The following LIN7A variants were observed in gnomAD, a reference collection of about 807,000 sequenced individuals.
LIN7A encodes the protein lin-7 cell polarity scaffold A.
A neutral mutation model predicts 29.8 loss-of-function variants in LIN7A; 25 were observed. The observed-to-expected ratio is 0.84, with a 90% confidence interval of 0.61 to 1.17. The LOEUF is 1.17. Among genes scored for constraint, LIN7A ranks in the 50% most tolerant of loss-of-function variants. The pLI is 0.00. For missense variants in LIN7A, 239 were observed against 287.0 expected, an observed-to-expected ratio of 0.83 and a Z score of 1.21; for synonymous variants, 118 against 107.5, an observed-to-expected ratio of 1.10 and a Z score of -0.60.
At chr12:80,888,144 T>C (rs1473449637) in intron 2 of LIN7A, among the ~76,000 whole-genome samples, 1 of 152,130 alleles carries the variant, frequency 6.6e-6, no homozygotes, top group Non-Finnish European at 1.5e-5. Context: ...GTTATTATGG[T>C]TATGTACTTA....
intron 5 of LIN7A, 93 bp downstream of exon 5, chr12:80,811,372 T>A: frequency 2.2e-6 from 1 of 452,558 alleles, no homozygotes; most frequent in Non-Finnish European, 3.9e-6. Context: ...TTAGAACATA[T>A]CTAAAATATA....
chr12:80,913,333 C>A (rs1254503661), intron 1 of LIN7A, among the ~76,000 whole-genome samples: 1 of 152,226 alleles, frequency 6.6e-6, no homozygotes, highest in Non-Finnish European at 1.5e-5. Flanking sequence ...TGACGCTTTT[C>A]AGCCTTTTAG....
intron 4 of LIN7A, among the ~76,000 whole-genome samples, chr12:80,841,012 T>C (rs1474715659): frequency 1.3e-5 from 2 of 152,226 alleles, no homozygotes; most frequent in African/African-American, 4.8e-5. Context: ...TTTTACACAC[T>C]GGTCTTGGTT....
At chr12:80,864,901 A>C (rs1463423466) in intron 2 of LIN7A, among the ~76,000 whole-genome samples, 2 of 152,172 alleles carry the variant, frequency 1.3e-5, no homozygotes, top group Non-Finnish European at 2.9e-5. Context: ...AATCTAAGTT[A>C]GTTTGTAAAG....
chr12:80,896,400 A>G (rs1306079381), intron 1 of LIN7A, among the ~76,000 whole-genome samples: 1 of 152,252 alleles, frequency 6.6e-6, no homozygotes, highest in African/African-American at 2.4e-5. Context: ...AATAATGTTC[A>G]GTTTAAAAAT....
At chr12:80,802,234 G>A (rs184639259) in intron 5 of LIN7A, among the ~76,000 whole-genome samples, 36 of 152,142 alleles carry the variant, frequency 2.4e-4, no homozygotes, top group Admixed American at 3.9e-4. Flanking sequence ...TGAGACATGT[G>A]GTATTTGTTC....
chr12:80,902,624 T>C (rs1565922504), intron 1 of LIN7A, among the ~76,000 whole-genome samples: 1 of 152,084 alleles, frequency 6.6e-6, no homozygotes, highest in Non-Finnish European at 1.5e-5. Context: ...TTTGTGGCTA[T>C]GGTAAGTGGG....
intron 1 of LIN7A, among the ~76,000 whole-genome samples, chr12:80,907,071 G>GTGTGTT (rs1555228962): frequency 6.8e-6 from 1 of 146,682 alleles, no homozygotes; most frequent in African/African-American, 2.5e-5. Flanking sequence ...GTGTGTGTGT[G>GTGTGTT]TGTGTGTGTG....
At position 80,918,329 on chromosome 12, in the gene LIN7A, T is replaced by A. The variant is rs1393144744; in HGVS notation, c.82+19312A>T. On this transcript the variant is annotated intron_variant, in intron 1 of 5. Coordinates refer to ENST00000552864, the MANE Select transcript of LIN7A (RefSeq NM_004664.4). ...TCCCACAGTACTGGGATTACAGGCATGAGCCACCGTCCCTGGCCTTATGTA... is the reference window on the plus strand; with the variant it reads ...TCCCACAGTACTGGGATTACAGGCAAGAGCCACCGTCCCTGGCCTTATGTA... 2.0e-5 allele frequency among the ~76,000 whole-genome samples: 3 copies of A among 152,178 alleles called. No individual in the cohort carries two copies. In the East Asian group the frequency reaches 5.8e-4, roughly 29 times the overall value.
At position 80,920,839 on chromosome 12, in the gene LIN7A, C is replaced by A. The variant is rs1037978113; in HGVS notation, c.82+16802G>T. ...AAGAAAAATAAAACTAAGCAAAAAA[C>A]AGGAATACCTTAATATGTACCATAT... On this transcript the variant is annotated intron_variant, in intron 1 of 5. Transcript: ENST00000552864. Among the ~76,000 whole-genome samples, 34 of 152,190 alleles carry A rather than the reference C, an allele frequency of 2.2e-4. 1 individual carries two copies. Among genetic ancestry groups the A allele is most frequent in the African/African-American group, 7.7e-4 (32 of 41,520 alleles).
chr12:80,899,360 A>G (rs1257295040), intron 1 of LIN7A, among the ~76,000 whole-genome samples: 1 of 152,054 alleles, frequency 6.6e-6, no homozygotes, highest in Non-Finnish European at 1.5e-5. Flanking sequence ...TAACTTTTTG[A>G]TGTGATGCTG....
At chr12:80,863,884 TG>T (rs1874001837) in intron 2 of LIN7A, among the ~76,000 whole-genome samples, 1 of 142,814 alleles carries the variant, frequency 7.0e-6, no homozygotes, top group African/African-American at 2.8e-5. Flanking sequence ...TAATGAATGA[TG>T]AAAGGCTTGT....
chr12:80,937,605 G>C, intron 1 of LIN7A, 36 bp downstream of exon 1: 1 of 1,403,648 alleles, frequency 7.1e-7, no homozygotes, highest in East Asian at 2.9e-5. Flanking sequence ...AGGGGAGAGG[G>C]GACGCGGTGG....
In LIN7A at chr12:80,822,559, C is replaced by G. The variant is rs1871858773; in HGVS notation, c.484-10876G>C. Among the ~76,000 whole-genome samples the G allele has an allele frequency of 2.0e-5, 3 of 152,074 alleles. No homozygotes were observed. In the South Asian group the frequency reaches 6.2e-4, roughly 32 times the overall value. ...GGTGAAAGAGTGAAACTCTATCACACAAGCACACAAAATATAAATAAAAAT... is the reference window on the plus strand; with the variant it reads ...GGTGAAAGAGTGAAACTCTATCACAGAAGCACACAAAATATAAATAAAAAT... On this transcript the variant is annotated intron_variant, in intron 4 of 5. Transcript: ENST00000552864.
At chr12:80,937,033 C>G (rs1397070960) in intron 1 of LIN7A, 1 of 152,218 alleles carries the variant, frequency 6.6e-6, no homozygotes, top group Non-Finnish European at 1.5e-5. Context: ...CTCGGCTCCC[C>G]GCGCTCTGCC....
chr12:80,909,858 C>A (rs200986424), intron 1 of LIN7A, among the ~76,000 whole-genome samples: 9 of 145,562 alleles, frequency 6.2e-5, no homozygotes, highest in Admixed American at 6.8e-5. Flanking sequence ...CAATTTTTAC[C>A]AAAAAAAAAA....
chr12:80,876,098 GAGACAGAC>G (rs376307418), intron 2 of LIN7A, among the ~76,000 whole-genome samples: 1 of 151,796 alleles, frequency 6.6e-6, no homozygotes, highest in East Asian at 1.9e-4. Context: ...GAGAAAGAGA[GAGACAGAC>G]AGAGAGACAG....
At chr12:80,857,777 G>C (rs1156730972) in intron 2 of LIN7A, among the ~76,000 whole-genome samples, 1 of 152,156 alleles carries the variant, frequency 6.6e-6, no homozygotes, top group Non-Finnish European at 1.5e-5. Flanking sequence ...TTTGGACACA[G>C]TGATGGCCTT....
intron 5 of LIN7A, among the ~76,000 whole-genome samples, chr12:80,808,582 T>C (rs1871150474): frequency 6.6e-6 from 1 of 151,642 alleles, no homozygotes; most frequent in South Asian, 2.1e-4. Context: ...CTCGGCTTAC[T>C]GCCAGCTCCA....
Sources: gnomAD v4.1 joint callset for allele counts (sites outside exome capture counted in the v4.1 genomes callset) on GRCh38, gnomAD v4.1.1 for gene constraint, MANE v1.5 for transcripts, NCBI Gene and HGNC (gene_info 2026-07-23, HGNC 2026-07-21) for gene names.